Variants in ABCA13 observed in about 807,000 individuals in gnomAD.
ABCA13 encodes ATP-binding cassette sub-family A member 13.
In ABCA13, 476 loss-of-function variants were observed where a neutral mutation model predicts 478.7. The ratio of observed to expected loss-of-function variants is 0.99; its 90% CI spans 0.92 to 1.07. The LOEUF (loss-of-function observed/expected upper bound fraction) is 1.07. ABCA13 is among the 50% of genes least tolerant of loss of function. The pLI is 0.00. For synonymous variants in ABCA13, 2,252 were observed against 2,158.9 expected (o/e 1.04, Z -1.20); for missense variants, 6,060 against 5,910.6 (o/e 1.03, Z -0.83).
intron 8 of ABCA13, among the ~76,000 whole-genome samples, chr7:48,238,766 C>A (rs1790361910): frequency 6.6e-6 from 1 of 152,244 alleles, no homozygotes; most frequent in Admixed American, 6.5e-5. Flanking sequence ...CCGTGCCCAG[C>A]CACTGTGTTG....
Position 48,516,836 on chromosome 7 carries a change from C to G in ABCA13, c.13752C>G (p.Leu4584=). Residue 4584 remains leucine (L), a synonymous_variant, in exon 52 of 62, where the codon CTC becomes CTG. Coordinates refer to ENST00000435803, the MANE Select transcript of ABCA13 (RefSeq NM_152701.5). ...LNFIFGLCTM[L]ITIMPRLLAI... is the part of the protein sequence containing the mutation. ...TCATCTTTGGCCTTTGTACCATGCT[C>G]ATAACCATTATGCCCCGGTTGCTAG... is the stretch of plus-strand genomic sequence containing the variant. 6.2e-7 allele frequency: 1 copy of G among 1,613,760 alleles called. No homozygotes were observed. The highest frequency in any genetic ancestry group is 8.5e-7 in the Non-Finnish European group (1 of 1,179,712).
chr7:48,359,622 G>A (rs1299077645), intron 31 of ABCA13, among the ~76,000 whole-genome samples: 1 of 151,972 alleles, frequency 6.6e-6, no homozygotes, highest in African/African-American at 2.4e-5. Flanking sequence ...GGTGATGGAG[G>A]CCGGTGGAGA....
intron 41 of ABCA13, among the ~76,000 whole-genome samples, chr7:48,427,035 A>G (rs1267210580): frequency 2.0e-5 from 3 of 152,136 alleles, no homozygotes; most frequent in African/African-American, 4.8e-5. Flanking sequence ...CTTCTCGTGA[A>G]TTGCCCAATG....
Position 48,278,319 on chromosome 7 carries a change from G to GA in ABCA13, c.7130dup (p.Asn2377LysfsTer2), listed in dbSNP as rs747028119. On this transcript the variant is annotated frameshift_variant, in exon 18 of 62. Transcript: ENST00000435803. LOFTEE classifies it high-confidence loss of function. ...ATGCCCTTCTCAGGGAAACTTCAAT[G>GA]AAAAATAAGACTGAAAATAATATAG... The GA allele has an allele frequency of 1.2e-6, 2 of 1,612,524 alleles. No individual in the cohort carries two copies. The highest frequency in any genetic ancestry group is 2.7e-5 in the African/African-American group (2 of 74,890).
At chr7:48,590,791 G>A (rs1789650637) in intron 57 of ABCA13, among the ~76,000 whole-genome samples, 1 of 151,990 alleles carries the variant, frequency 6.6e-6, no homozygotes, top group South Asian at 2.1e-4. Flanking sequence ...CTTCTTTTGA[G>A]AAAAGTCTGT....
chr7:48,494,780 A>C (rs1481905486), intron 48 of ABCA13, among the ~76,000 whole-genome samples: 2 of 152,330 alleles, frequency 1.3e-5, no homozygotes, highest in Middle Eastern at 3.4e-3. Flanking sequence ...TGTGTTACAA[A>C]AACGGAGCTA....
chr7:48,437,553 G>A (rs1823013303), intron 42 of ABCA13, among the ~76,000 whole-genome samples: 1 of 151,880 alleles, frequency 6.6e-6, no homozygotes, highest in African/African-American at 2.4e-5. Flanking sequence ...TTTTCCTTTA[G>A]CTTTTGGAGA....
At chr7:48,255,963 C>T (rs7789281) in intron 15 of ABCA13, among the ~76,000 whole-genome samples, 41,144 of 152,054 alleles carry the variant, frequency 0.27, 6,306 homozygotes, top group Non-Finnish European at 0.36. Flanking sequence ...ACAACCTCAC[C>T]AGCATCTGTT....
intron 27 of ABCA13, among the ~76,000 whole-genome samples, chr7:48,322,830 C>T (rs1321274079): frequency 2.6e-5 from 4 of 152,188 alleles, no homozygotes; most frequent in African/African-American, 7.2e-5. Context: ...CGAGCCCACA[C>T]CAAATCCCTC....
intron 41 of ABCA13, among the ~76,000 whole-genome samples, chr7:48,425,756 TTTTC>T (rs1821320676): frequency 8.1e-6 from 1 of 123,686 alleles, no homozygotes; most frequent in African/African-American, 3.3e-5. Context: ...TTTATTTATT[TTTTC>T]GAGATGGAGT....
intron 55 of ABCA13, among the ~76,000 whole-genome samples, chr7:48,539,471 C>G (rs1833817911): frequency 6.6e-6 from 1 of 152,028 alleles, no homozygotes; most frequent in African/African-American, 2.4e-5. Context: ...TTTGGCTACT[C>G]AGAGGTACAG....
intron 32 of ABCA13, among the ~76,000 whole-genome samples, chr7:48,368,699 A>G (rs1004346794): frequency 6.4e-5 from 9 of 140,526 alleles, no homozygotes; most frequent in African/African-American, 2.3e-4. Flanking sequence ...ATATATATAT[A>G]TATATATATA....
chr7:48,219,301 G>C (rs568568893), intron 3 of ABCA13, 53 bp from the exon 4 acceptor site: 2 of 1,541,146 alleles, frequency 1.3e-6, no homozygotes, highest in East Asian at 4.7e-5. Flanking sequence ...AAAATGCCAA[G>C]GAAACTTATT....
chr7:48,437,186 T>C lies in ABCA13; in HGVS notation c.12565+9315T>C, dbSNP rs115933321. On this transcript the variant is annotated intron_variant, in intron 42 of 61. Transcript: ENST00000435803. ...TTCTGCCAGTATTTGCTTCATATGTTATGAGCTCTCATGATGGGTATCTAT... is the reference window on the plus strand; with the variant it reads ...TTCTGCCAGTATTTGCTTCATATGTCATGAGCTCTCATGATGGGTATCTAT... 4.6e-3 allele frequency among the ~76,000 whole-genome samples: 695 copies of C among 152,184 alleles called. 2 individuals carry two copies. The highest frequency in any genetic ancestry group is 0.016 in the African/African-American group (676 of 41,554).
chr7:48,550,348 A>G (rs1259181994), intron 55 of ABCA13, among the ~76,000 whole-genome samples: 2 of 151,302 alleles, frequency 1.3e-5, no homozygotes, highest in East Asian at 1.9e-4. Context: ...CCTCTCCCCA[A>G]CCTGATTCAA....
chr7:48,552,065 T>G (rs1042167334), intron 55 of ABCA13, among the ~76,000 whole-genome samples: 10 of 151,920 alleles, frequency 6.6e-5, no homozygotes, highest in African/African-American at 2.4e-4. Context: ...TTTTCATTTG[T>G]CCTTTTAGCC....
intron 55 of ABCA13, among the ~76,000 whole-genome samples, chr7:48,578,763 G>A (rs1198543391): frequency 6.6e-6 from 1 of 152,126 alleles, no homozygotes; most frequent in Non-Finnish European, 1.5e-5. Flanking sequence ...GAAGAACAAA[G>A]TCTGAAGACT....
At chr7:48,526,123 G>A (rs1352747052) in intron 54 of ABCA13, among the ~76,000 whole-genome samples, 3 of 152,122 alleles carry the variant, frequency 2.0e-5, no homozygotes, top group Non-Finnish European at 2.9e-5. Context: ...TGAAAAATAT[G>A]TAAAAGGGGA....
At chr7:48,593,925 T>C (rs544214679) in intron 57 of ABCA13, among the ~76,000 whole-genome samples, 3 of 152,268 alleles carry the variant, frequency 2.0e-5, no homozygotes, top group Admixed American at 2.0e-4. Context: ...AATCCACTGA[T>C]AGCCTTGTGG....
Sources: allele counts gnomAD v4.1 joint callset (sites outside exome capture counted in the v4.1 genomes callset), GRCh38; gene constraint gnomAD v4.1.1; transcripts MANE v1.5; gene names NCBI Gene and HGNC (gene_info 2026-07-23, HGNC 2026-07-21).